Variants in TUBGCP5 observed in about 807,000 individuals in gnomAD.
The protein encoded by TUBGCP5 is gamma-tubulin complex component 5.
Under a neutral mutation model 134.7 loss-of-function variants are expected in TUBGCP5, and 98 were observed. The observed-to-expected ratio is 0.73, with a 90% CI of 0.62 to 0.86. The LOEUF (loss-of-function observed/expected upper bound fraction) is 0.86, where lower values mean the gene tolerates loss of function less well. TUBGCP5 is among the 40% of genes least tolerant of loss of function. The pLI is 0.00. For synonymous variants in TUBGCP5, 456 were observed against 431.4 expected (o/e 1.06, Z -0.71); for missense variants, 1,150 against 1,244.8 (o/e 0.92, Z 1.15).
rs369045287 is a variant in TUBGCP5 at position 23,020,260 on chromosome 15, A to C, written c.1372-926T>G. On this transcript the variant is annotated intron_variant, in intron 11 of 22. Coordinates refer to ENST00000615383, the MANE Select transcript of TUBGCP5 (RefSeq NM_052903.6). Reference sequence around the variant, plus strand: ...CATCTCTATTAAAAATACAAAAATTAGATGGGCATGGTGGTGGGCGCCTGT... The same window carrying C: ...CATCTCTATTAAAAATACAAAAATTCGATGGGCATGGTGGTGGGCGCCTGT... 2.8e-4 allele frequency among the ~76,000 whole-genome samples: 42 copies of C among 152,070 alleles called. No individual in the cohort carries two copies. In the East Asian group the frequency reaches 8.1e-3, roughly 29 times the overall value.
Position 23,031,015 on chromosome 15 carries a change from C to A in TUBGCP5, c.492G>T (p.Trp164Cys). Residue 164 changes from tryptophan to cysteine, a missense_variant, in exon 6 of 23, where the codon TGG becomes TGT. Physicochemically the swap from Trp to Cys is radical, Grantham distance 215. Coordinates refer to ENST00000615383, the MANE Select transcript of TUBGCP5 (RefSeq NM_052903.6). The part of the protein sequence containing the change: ...DIGPYMDTPN[W>C]SEESEEENDQ... The stretch of plus-strand genomic sequence containing the variant: ...CATTTTCCTCTTCACTTTCTTCAGA[C>A]CAATTCTGATTTAAAAAAGAGATAC... The A allele has an allele frequency of 6.2e-7, 1 of 1,609,430 alleles. No homozygotes were observed. The highest frequency in any genetic ancestry group is 8.5e-7 in the Non-Finnish European group (1 of 1,178,914).
Position 23,024,729 on chromosome 15 carries a change from T to A in TUBGCP5, c.921+8A>T. Reference sequence around the variant, plus strand: ...TTTCTTAAATTACCATAAATACAAATAACTTACATGTGTTAAATGAGTTAC... The same window carrying A: ...TTTCTTAAATTACCATAAATACAAAAAACTTACATGTGTTAAATGAGTTAC... On this transcript the variant is annotated splice_region_variant and intron_variant, in intron 9 of 22. Transcript: ENST00000615383. 1 of 1,345,860 alleles carries A rather than the reference T, an allele frequency of 7.4e-7. No individual in the cohort carries two copies. 83.4% of individuals were successfully genotyped at this position (1,345,860 alleles called of 1,614,324 possible).
intron 3 of TUBGCP5, 124 bp downstream of exon 3, chr15:23,036,773 G>A (rs1051333562): frequency 1.1e-5 from 8 of 710,284 alleles, no homozygotes; most frequent in Non-Finnish European, 1.9e-5. Flanking sequence ...AAATTTCCAA[G>A]AGATCCCGTT....
intron 7 of TUBGCP5, among the ~76,000 whole-genome samples, chr15:23,026,430 T>C (rs2065990407): frequency 6.6e-6 from 1 of 152,178 alleles, no homozygotes; most frequent in African/African-American, 2.4e-5. Context: ...TTTAGGCAAA[T>C]GTTTACAACT....
chr15:23,003,428 A>G (rs1001321173), intron 20 of TUBGCP5, among the ~76,000 whole-genome samples: 1 of 152,164 alleles, frequency 6.6e-6, no homozygotes, highest in Non-Finnish European at 1.5e-5. Flanking sequence ...AAATTCACCA[A>G]TGAAACTAGG....
chr15:23,015,092 T>G (rs933749349), intron 13 of TUBGCP5, among the ~76,000 whole-genome samples: 2 of 152,050 alleles, frequency 1.3e-5, no homozygotes, highest in Non-Finnish European at 2.9e-5. Flanking sequence ...CTACTGTTTG[T>G]TTTTTGTTTT....
In TUBGCP5 at chr15:23,008,736, C is replaced by T; in HGVS notation, c.2290G>A (p.Glu764Lys). 1 of 1,607,198 alleles carries T rather than the reference C, an allele frequency of 6.2e-7. No individual in the cohort carries two copies. The highest frequency in any genetic ancestry group is 1.1e-5 in the South Asian group (1 of 88,970). ...TCAGGATAACGCTGTCCTACTGCTT[C>T]TTGGAGTTGGACATTAAGAAAAGAC... Reference protein sequence around the residue: ...NVSFLNVQLQEAVGQRYPEDS... With the variant: ...NVSFLNVQLQKAVGQRYPEDS... Residue 764 changes from glutamate (E) to lysine (K), a missense_variant, in exon 16 of 23, where the codon GAA becomes AAA. Coordinates refer to ENST00000615383, the MANE Select transcript of TUBGCP5 (RefSeq NM_052903.6).
At chr15:23,032,108 C>CT in intron 4 of TUBGCP5, 79 bp from the exon 5 acceptor site, 1 of 942,486 alleles carries the variant, frequency 1.1e-6, no homozygotes, top group Non-Finnish European at 1.6e-6. Context: ...GGAAAAAAGA[C>CT]TAACAAGACT....
intron 6 of TUBGCP5, among the ~76,000 whole-genome samples, chr15:23,029,663 G>A (rs1200113299): frequency 1.3e-5 from 2 of 151,852 alleles, no homozygotes; most frequent in South Asian, 2.1e-4. Context: ...GCAGGTGGAC[G>A]AGTTGAGGTC....
At position 23,039,530 on chromosome 15, in the gene TUBGCP5, C is replaced by T. The variant is rs777661174; in HGVS notation, c.14G>A (p.Gly5Glu). Residue 5 changes from glycine (G) to glutamate (E), a missense_variant, in exon 1 of 23, where the codon GGG becomes GAG. Gly to Glu is a moderately conservative substitution (Grantham distance 98). Coordinates refer to ENST00000615383, the MANE Select transcript of TUBGCP5 (RefSeq NM_052903.6). MARH[G>E]PPWSRLDAQQ... ...CGCGTCCAACCGACTCCACGGTGGCCCGTGCCGCGCCATGTTCCGCGCTCC... is the reference window on the plus strand; with the variant it reads ...CGCGTCCAACCGACTCCACGGTGGCTCGTGCCGCGCCATGTTCCGCGCTCC... The T allele has an allele frequency of 5.4e-6, 8 of 1,477,994 alleles. No individual in the cohort carries two copies. In the Admixed American group the frequency reaches 1.3e-4, roughly 23 times the overall value. The allele number at this position is 1,477,994 out of a possible 1,614,324, so 91.6% of individuals were successfully genotyped here.
chr15:23,013,638 C>T lies in TUBGCP5; in HGVS notation c.1757-2307G>A, dbSNP rs2065162101. 6.6e-6 allele frequency among the ~76,000 whole-genome samples: 1 copy of T among 152,142 alleles called. No individual in the cohort carries two copies. The highest frequency in any genetic ancestry group is 2.1e-4 in the South Asian group (1 of 4,834). On this transcript the variant is annotated intron_variant, in intron 13 of 22. Transcript: ENST00000615383. The surrounding 1 kb of genome is among the most constrained non-coding windows in gnomAD (Gnocchi z 4.5). ...GGTAAGGGTAAGCAGAAGAAACCCACCAGCCCCCACAAACACCTACAGTCA... is the reference window on the plus strand; with the variant it reads ...GGTAAGGGTAAGCAGAAGAAACCCATCAGCCCCCACAAACACCTACAGTCA...
At chr15:23,039,297 C>T (rs2066780866) in intron 1 of TUBGCP5, 101 bp downstream of exon 1, 4 of 1,202,932 alleles carry the variant, frequency 3.3e-6, no homozygotes, top group Non-Finnish European at 4.2e-6. Context: ...CCGCCTCCGC[C>T]CCATGCCCTG....
At chr15:23,012,961 G>T (rs1290588894) in intron 13 of TUBGCP5, among the ~76,000 whole-genome samples, 2 of 152,038 alleles carry the variant, frequency 1.3e-5, no homozygotes, top group African/African-American at 4.8e-5. Flanking sequence ...AATTAGCCGG[G>T]CGTAGTGGCT....
chr15:23,026,357 T>G (rs2065987532), intron 7 of TUBGCP5, 152 bp from the exon 8 acceptor site: 1 of 631,070 alleles, frequency 1.6e-6, no homozygotes, highest in African/African-American at 1.9e-5. Flanking sequence ...TATATTTTCA[T>G]GTCAATCAGA....
chr15:23,011,218 T>C lies in TUBGCP5; in HGVS notation c.1870A>G (p.Asn624Asp), dbSNP rs1043100513. Residue 624 changes from asparagine to aspartate, a missense_variant, in exon 14 of 23, where the codon AAC becomes GAC. Physicochemically the swap from Asn to Asp is conservative, Grantham distance 23. This residue lies in a region of TUBGCP5 where 697 missense variants were observed against 850.1 expected (regional missense o/e 0.82). Coordinates refer to ENST00000615383, the MANE Select transcript of TUBGCP5 (RefSeq NM_052903.6). ...VLTEQQATKENLMKMQSIAES... is the reference protein window; with the variant it reads ...VLTEQQATKEDLMKMQSIAES... ...GCAATGGACTGCATCTTCATCAGGTTCTCCTTGGTTGCCTGTTGCTCAGTA... is the reference window on the plus strand; with the variant it reads ...GCAATGGACTGCATCTTCATCAGGTCCTCCTTGGTTGCCTGTTGCTCAGTA... 1 of 1,613,792 alleles carries C rather than the reference T, an allele frequency of 6.2e-7. No homozygotes were observed. The highest frequency in any genetic ancestry group is 1.3e-5 in the African/African-American group (1 of 74,888).
At chr15:22,986,211 T>C (rs2063677571) in intron 23 of TUBGCP5, among the ~76,000 whole-genome samples, 1 of 151,340 alleles carries the variant, frequency 6.6e-6, no homozygotes, top group African/African-American at 2.4e-5. Context: ...TATGATGAAA[T>C]TGGAACTCTG....
Position 23,004,097 on chromosome 15 carries a change from T to G in TUBGCP5, c.2838+5A>C, listed in dbSNP as rs373964520. 6.2e-7 allele frequency: 1 copy of G among 1,607,226 alleles called. No homozygotes were observed. The highest frequency in any genetic ancestry group is 1.3e-5 in the African/African-American group (1 of 74,586). ...GGCCACATCTGCAGGAGACATCTCA[T>G]GTACCTTTTCTCTCAGCAGACACCG... is the stretch of plus-strand genomic sequence containing the variant. On this transcript the variant is annotated splice_donor_5th_base_variant and intron_variant, in intron 20 of 22. Transcript: ENST00000615383.
Position 23,024,041 on chromosome 15 carries a change from A to C in TUBGCP5, c.1074T>G (p.Phe358Leu), listed in dbSNP as rs1204141103. The C allele has an allele frequency of 6.2e-7, 1 of 1,614,150 alleles. No homozygotes were observed. Among genetic ancestry groups the C allele is most frequent in the Admixed American group, 1.7e-5 (1 of 60,016 alleles). Reference protein sequence around the residue: ...SVPKKSTEAPFRTYQAFMWAL... With the variant: ...SVPKKSTEAPLRTYQAFMWAL... ...CCCACATGAAAGCCTGGTAGGTTCTAAAGGGAGCTTCAGTTGACTTCTTAG... is the reference window on the plus strand; with the variant it reads ...CCCACATGAAAGCCTGGTAGGTTCTCAAGGGAGCTTCAGTTGACTTCTTAG... Residue 358 changes from phenylalanine to leucine, a missense_variant, in exon 10 of 23, where the codon TTT (phenylalanine) becomes TTG (leucine). Coordinates refer to ENST00000615383, the MANE Select transcript of TUBGCP5 (RefSeq NM_052903.6).
intron 23 of TUBGCP5, among the ~76,000 whole-genome samples, chr15:22,993,437 C>T (rs1157026678): frequency 6.6e-6 from 1 of 150,800 alleles, no homozygotes; most frequent in Non-Finnish European, 1.5e-5. Context: ...CTTACTCTGC[C>T]GCCCAGGCTG....
Sources: allele counts gnomAD v4.1 joint callset (sites outside exome capture counted in the v4.1 genomes callset), GRCh38; gene constraint gnomAD v4.1.1; regional missense constraint gnomAD v4.1.1; non-coding constraint Gnocchi (gnomAD v3.1); transcripts MANE v1.5; gene names NCBI Gene and HGNC (gene_info 2026-07-23, HGNC 2026-07-21).